Variants in COL25A1 observed in about 807,000 individuals in gnomAD.
COL25A1 encodes the protein collagen alpha-1(XXV) chain.
COL25A1 carries 103 observed loss-of-function variants against 128.4 expected under a neutral mutation model. The observed-to-expected ratio is 0.80, with a 90% CI of 0.68 to 0.94. The LOEUF (loss-of-function observed/expected upper bound fraction) is 0.94, where lower values mean the gene tolerates loss of function less well. Among genes scored for constraint, COL25A1 ranks in the 40% least tolerant of loss-of-function variants. The pLI, the probability that COL25A1 is intolerant of heterozygous loss-of-function variation, is 0.00. For synonymous variants in COL25A1, 279 were observed against 277.2 expected (o/e 1.01, Z -0.06); for missense variants, 745 against 840.0 (o/e 0.89, Z 1.40).
At chr4:109,229,251 G>C (rs1335151958) in intron 3 of COL25A1, among the ~76,000 whole-genome samples, 1 of 152,134 alleles carries the variant, frequency 6.6e-6, no homozygotes, top group African/African-American at 2.4e-5. Flanking sequence ...ACTTATTCTT[G>C]TTATTTGCAA....
chr4:109,161,223 A>G (rs1772549537), intron 3 of COL25A1, among the ~76,000 whole-genome samples: 1 of 152,142 alleles, frequency 6.6e-6, no homozygotes, highest in Non-Finnish European at 1.5e-5. Context: ...ATCCCTGGAG[A>G]CATTGATTCT....
At chr4:109,239,749 A>G (rs1779756175) in intron 3 of COL25A1, among the ~76,000 whole-genome samples, 1 of 151,946 alleles carries the variant, frequency 6.6e-6, no homozygotes, top group South Asian at 2.1e-4. Context: ...TCTCTTCAAT[A>G]ATAAATTAAG....
chr4:109,097,662 A>ATTTTT lies in COL25A1; in HGVS notation c.368-47488_368-47484dup, dbSNP rs780098779. Among the ~76,000 whole-genome samples the ATTTTT allele has an allele frequency of 2.2e-3, 276 of 124,620 alleles. 4 individuals carry two copies. The East Asian group carries it at 0.03, about 13-fold the overall frequency. The allele number at this position is 124,620 out of a possible 152,430, so 81.8% of individuals were successfully genotyped here. The stretch of plus-strand genomic sequence containing the variant: ...ATTATGTTATCTTAGGTAAACATCA[A>ATTTTT]TTTTTTTTTTTTTTTTTTTGAGACA... On this transcript the variant is annotated intron_variant, in intron 3 of 37. Transcript: ENST00000399132.
chr4:109,130,614 T>C (rs1769105619), intron 3 of COL25A1, among the ~76,000 whole-genome samples: 1 of 151,914 alleles, frequency 6.6e-6, no homozygotes, highest in Non-Finnish European at 1.5e-5. Flanking sequence ...GAGCAGCAAA[T>C]GAGTATGTTG....
At chr4:108,901,452 T>C (rs1742847102) in intron 13 of COL25A1, among the ~76,000 whole-genome samples, 1 of 152,094 alleles carries the variant, frequency 6.6e-6, no homozygotes, top group Non-Finnish European at 1.5e-5. Flanking sequence ...GGGTACATTG[T>C]GAACATCAAA....
At chr4:109,240,595 AT>A (rs1779834769) in intron 3 of COL25A1, among the ~76,000 whole-genome samples, 1 of 152,052 alleles carries the variant, frequency 6.6e-6, no homozygotes, top group Non-Finnish European at 1.5e-5. Context: ...TTCATCACTC[AT>A]TGAATTCACA....
At chr4:108,937,389 T>A (rs1302076330) in intron 11 of COL25A1, among the ~76,000 whole-genome samples, 1 of 152,050 alleles carries the variant, frequency 6.6e-6, no homozygotes, top group Non-Finnish European at 1.5e-5. Flanking sequence ...TTTCTCCGGG[T>A]AGAGATATTC....
chr4:109,125,191 T>C (rs975901044), intron 3 of COL25A1, among the ~76,000 whole-genome samples: 3 of 152,144 alleles, frequency 2.0e-5, no homozygotes, highest in Non-Finnish European at 2.9e-5. Context: ...ACAATGTGTA[T>C]GTGGAGAGAA....
intron 3 of COL25A1, among the ~76,000 whole-genome samples, chr4:109,083,448 A>AAATTTTT (rs377354398): frequency 1.7e-4 from 13 of 77,056 alleles, no homozygotes; most frequent in African/African-American, 2.9e-4. Context: ...CACTAAATAA[A>AAATTTTT]TTTTTTTTTT....
chr4:109,264,383 C>T (rs751701941), intron 3 of COL25A1, among the ~76,000 whole-genome samples: 5 of 152,148 alleles, frequency 3.3e-5, no homozygotes, highest in Non-Finnish European at 4.4e-5. Context: ...GGAGAACATA[C>T]TGGAGAAGAG....
intron 3 of COL25A1, among the ~76,000 whole-genome samples, chr4:109,256,877 G>C (rs527436454): frequency 1.0e-3 from 155 of 152,250 alleles, no homozygotes; most frequent in African/African-American, 3.7e-3. Flanking sequence ...TGGAATCTAA[G>C]AAGGTTAACT....
intron 3 of COL25A1, among the ~76,000 whole-genome samples, chr4:109,089,755 A>G (rs965630891): frequency 6.6e-6 from 1 of 152,040 alleles, no homozygotes; most frequent in African/African-American, 2.4e-5. Context: ...ATAGGTATGC[A>G]ACAACATGCC....
intron 3 of COL25A1, among the ~76,000 whole-genome samples, chr4:109,162,577 C>CT (rs1352698152): frequency 6.6e-6 from 1 of 152,146 alleles, no homozygotes; most frequent in Non-Finnish European, 1.5e-5. Context: ...GTTCCATGCA[C>CT]TGAGTTTGGG....
chr4:109,247,413 T>A lies in COL25A1; in HGVS notation c.367+53170A>T, dbSNP rs560589314. ...GAGCCCATCGTGGAAGGCTTGAATG[T>A]CAGGTAAGGAAAAGTGAAAGAAAAG... On this transcript the variant is annotated intron_variant, in intron 3 of 37. Coordinates refer to ENST00000399132, the MANE Select transcript of COL25A1 (RefSeq NM_198721.4). Among the ~76,000 whole-genome samples, 3 of 152,210 alleles carry A rather than the reference T, an allele frequency of 2.0e-5. No homozygotes were observed. The South Asian group carries it at 6.2e-4, about 32-fold the overall frequency.
At chr4:109,148,424 C>G (rs1771158502) in intron 3 of COL25A1, among the ~76,000 whole-genome samples, 2 of 152,164 alleles carry the variant, frequency 1.3e-5, no homozygotes, top group Admixed American at 6.5e-5. Flanking sequence ...AAAGGAACCT[C>G]AAGTCAATTT....
intron 31 of COL25A1, among the ~76,000 whole-genome samples, chr4:108,840,619 G>A (rs1734340182): frequency 6.6e-6 from 1 of 152,116 alleles, no homozygotes; most frequent in African/African-American, 2.4e-5. Context: ...GCCTGCTTCT[G>A]GGCTTTGTGA....
intron 8 of COL25A1, among the ~76,000 whole-genome samples, chr4:108,961,663 T>C (rs1024056805): frequency 2.0e-5 from 3 of 152,138 alleles, no homozygotes; most frequent in Non-Finnish European, 2.9e-5. Context: ...TGTTTGGGCA[T>C]CACTCCCTCA....
chr4:108,973,495 A>G (rs181240938), intron 8 of COL25A1, among the ~76,000 whole-genome samples: 56 of 152,328 alleles, frequency 3.7e-4, no homozygotes, highest in African/African-American at 1.3e-3. Flanking sequence ...ATGCAGTATA[A>G]ATGCATTTAA....
intron 30 of COL25A1, among the ~76,000 whole-genome samples, chr4:108,844,013 C>G (rs1734778053): frequency 6.6e-6 from 1 of 152,184 alleles, no homozygotes; most frequent in Non-Finnish European, 1.5e-5. Flanking sequence ...ATCCTCCCAC[C>G]TCAGCCTCCT....
Sources: gnomAD v4.1 joint callset for allele counts (sites outside exome capture counted in the v4.1 genomes callset) on GRCh38, gnomAD v4.1.1 for gene constraint, MANE v1.5 for transcripts, NCBI Gene and HGNC (gene_info 2026-07-23, HGNC 2026-07-21) for gene names.